HELZ: variants seen among roughly 807,000 people sequenced by gnomAD.
The protein encoded by HELZ is ATP-dependent RNA helicase with zinc finger domain.
A neutral mutation model predicts 218.2 loss-of-function variants in HELZ; 23 were observed. The ratio of observed to expected loss-of-function variants is 0.11; its 90% CI spans 0.08 to 0.15. HELZ has a LOEUF of 0.15. Among genes scored for constraint, HELZ ranks in the 10% least tolerant of loss-of-function variants. The pLI is 1.00. For missense variants in HELZ, 1,813 were observed against 2,353.7 expected (o/e 0.77, Z 4.75); for synonymous variants, 814 against 829.4 (o/e 0.98, Z 0.32).
In HELZ at chr17:67,109,626, G is replaced by T. The variant is rs769954827; in HGVS notation, c.3979C>A (p.Pro1327Thr). 1.3e-4 allele frequency: 204 copies of T among 1,613,944 alleles called. No individual in the cohort carries two copies. The highest frequency in any genetic ancestry group is 1.6e-4 in the Non-Finnish European group (190 of 1,179,996). ...SPESRPSVVY[P>T]STKFPRKDNL... ...TCTTTGCGAGGAAATTTGGTACTGG[G>T]ATAAACAACACTAGGACGTGATTCA... The change falls in exon 29 of 33, where the codon CCC (proline) becomes ACC (threonine). Residue 1327 changes from proline (P) to threonine (T), a missense_variant. By Grantham distance (38) the Pro-to-Thr change is conservative. Transcript: ENST00000358691.
At chr17:67,150,381 G>A (rs868270440) in intron 18 of HELZ, among the ~76,000 whole-genome samples, 13 of 151,746 alleles carry the variant, frequency 8.6e-5, no homozygotes, top group Admixed American at 3.9e-4. Context: ...CGCCTGCCTC[G>A]GCCTCCCAAA....
intron 15 of HELZ, among the ~76,000 whole-genome samples, chr17:67,166,071 G>A (rs2039135364): frequency 6.6e-6 from 1 of 152,086 alleles, no homozygotes; most frequent in Admixed American, 6.5e-5. Context: ...GGAGTTCAAG[G>A]CTGTAATGAG....
chr17:67,199,881 C>G (rs1331978842), intron 7 of HELZ, among the ~76,000 whole-genome samples: 1 of 152,088 alleles, frequency 6.6e-6, no homozygotes, highest in Non-Finnish European at 1.5e-5. Flanking sequence ...AGACAAGCAC[C>G]TTCTCAACTC....
chr17:67,094,451 CAGAG>C (rs2036678759), intron 31 of HELZ, among the ~76,000 whole-genome samples: 1 of 150,286 alleles, frequency 6.7e-6, no homozygotes, highest in Non-Finnish European at 1.5e-5. Context: ...GTGAGAGAGA[CAGAG>C]AGATACAGAC....
intron 3 of HELZ, among the ~76,000 whole-genome samples, chr17:67,227,047 T>C (rs1019388964): frequency 6.6e-5 from 10 of 152,160 alleles, no homozygotes; most frequent in African/African-American, 2.4e-4. Flanking sequence ...GACACTGCCC[T>C]GTATCCTGAT....
Position 67,078,463 on chromosome 17 carries a change from T to C in HELZ, c.5618A>G (p.Lys1873Arg). 6 of 1,591,166 alleles carry C rather than the reference T, an allele frequency of 3.8e-6. No individual in the cohort carries two copies. The highest frequency in any genetic ancestry group is 5.1e-6 in the Non-Finnish European group (6 of 1,171,116). Residue 1873 changes from lysine (K) to arginine (R), a missense_variant, in exon 33 of 33, where the codon AAG becomes AGG. Around this residue, in one of 4 missense-constraint regions of HELZ, gnomAD observed 938 missense variants for 1,027.5 expected, o/e 0.91. Coordinates refer to ENST00000358691, the MANE Select transcript of HELZ (RefSeq NM_014877.4). ...GCTATTGGCCGACTCCGCGATCTGC[T>C]TGTTAGGCATAAGGGGTGGAAACTG... ...LGQFPPLMPN[K>R]QIAESANSSS... is the part of the protein sequence containing the mutation.
intron 21 of HELZ, among the ~76,000 whole-genome samples, chr17:67,140,248 G>A (rs942162269): frequency 7.2e-5 from 11 of 152,148 alleles, no homozygotes; most frequent in Non-Finnish European, 1.6e-4. Flanking sequence ...CAGGATGGAT[G>A]CAGGTTGGGA....
chr17:67,155,670 CTACTAAA>C (rs1170132448), intron 17 of HELZ, among the ~76,000 whole-genome samples: 1 of 152,060 alleles, frequency 6.6e-6, no homozygotes, highest in Non-Finnish European at 1.5e-5. Context: ...AACCCTGTCT[CTACTAAA>C]AACACAAAAG....
At chr17:67,182,021 CTT>C (rs1456632253) in intron 12 of HELZ, among the ~76,000 whole-genome samples, 1 of 152,076 alleles carries the variant, frequency 6.6e-6, no homozygotes, top group African/African-American at 2.4e-5. Context: ...TACTGGGGCT[CTT>C]TGTCATCTCC....
chr17:67,087,794 C>T (rs1235746223), intron 31 of HELZ, among the ~76,000 whole-genome samples: 1 of 152,212 alleles, frequency 6.6e-6, no homozygotes, highest in African/African-American at 2.4e-5. Context: ...TCCTTTAACC[C>T]TTCCGACAAG....
chr17:67,117,924 A>G (rs1401914771), intron 27 of HELZ, among the ~76,000 whole-genome samples: 1 of 152,224 alleles, frequency 6.6e-6, no homozygotes, highest in African/African-American at 2.4e-5. Flanking sequence ...TACTCCGTTC[A>G]AAGATCAAAA....
At chr17:67,164,753 TA>T (rs1455451631) in intron 15 of HELZ, among the ~76,000 whole-genome samples, 1 of 152,098 alleles carries the variant, frequency 6.6e-6, no homozygotes, top group African/African-American at 2.4e-5. Flanking sequence ...TAGAAAAAAG[TA>T]GAAGAAATCT....
chr17:67,148,424 CAT>C (rs1211814263), intron 20 of HELZ, 143 bp downstream of exon 20: 1 of 638,324 alleles, frequency 1.6e-6, no homozygotes, highest in East Asian at 2.8e-5. Flanking sequence ...CTTTTAAAGA[CAT>C]AAAATTAAAC....
In HELZ at chr17:67,137,972, C is replaced by T. The variant is rs1598300719; in HGVS notation, c.2912G>A (p.Arg971Lys). The stretch of plus-strand genomic sequence containing the variant: ...CCTTTCTACATTAACATCAGATAAT[C>T]TCTTTTTTCGAAGTTCAGCACGTAT... ...FRIRAELRKKRLSDVNVERVL... is the reference protein window; with the variant it reads ...FRIRAELRKKKLSDVNVERVL... Residue 971 changes from arginine to lysine, a missense_variant, in exon 22 of 33, where the codon AGA becomes AAA. Physicochemically the swap from Arg to Lys is conservative, Grantham distance 26. Coordinates refer to ENST00000358691, the MANE Select transcript of HELZ (RefSeq NM_014877.4). 6.2e-7 allele frequency: 1 copy of T among 1,613,004 alleles called. No individual in the cohort carries two copies. Among genetic ancestry groups the T allele is most frequent in the East Asian group, 2.2e-5 (1 of 44,842 alleles).
At chr17:67,166,147 T>A (rs1441165237) in intron 15 of HELZ, among the ~76,000 whole-genome samples, 1 of 151,992 alleles carries the variant, frequency 6.6e-6, no homozygotes, top group Non-Finnish European at 1.5e-5. Flanking sequence ...AATAAATAAA[T>A]AAAAATTATT....
At chr17:67,124,066 AAAC>A (rs2037706899) in intron 24 of HELZ, 52 bp from the exon 25 acceptor site, 1 of 1,180,922 alleles carries the variant, frequency 8.5e-7, no homozygotes, top group African/African-American at 1.5e-5. Flanking sequence ...TAGTATTAGA[AAAC>A]AATAACCATT....
chr17:67,156,260 GA>G (rs949476209), intron 17 of HELZ, among the ~76,000 whole-genome samples: 1 of 151,602 alleles, frequency 6.6e-6, no homozygotes, highest in African/African-American at 2.4e-5. Context: ...GTCATTATGA[GA>G]AAAAAAATTA....
intron 15 of HELZ, among the ~76,000 whole-genome samples, chr17:67,165,978 T>A (rs1338650639): frequency 6.6e-6 from 1 of 151,940 alleles, no homozygotes; most frequent in African/African-American, 2.4e-5. Flanking sequence ...AAAAAAAAAT[T>A]TTTTTTAATC....
At chr17:67,190,835 G>A (rs773071481) in intron 9 of HELZ, among the ~76,000 whole-genome samples, 2 of 152,088 alleles carry the variant, frequency 1.3e-5, no homozygotes, top group African/African-American at 4.8e-5. Flanking sequence ...TCAGCCTCCC[G>A]GGTAGCTGGG....
Sources: allele counts gnomAD v4.1 joint callset (sites outside exome capture counted in the v4.1 genomes callset), GRCh38; gene constraint gnomAD v4.1.1; regional missense constraint gnomAD v4.1.1; transcripts MANE v1.5; gene names NCBI Gene and HGNC (gene_info 2026-07-23, HGNC 2026-07-21).